The following RPA1 variants were observed in gnomAD, a reference collection of about 807,000 sequenced individuals.
RPA1 encodes replication protein A 70 kDa DNA-binding subunit.
In RPA1, 49 loss-of-function variants were observed where a neutral mutation model predicts 83.0. The observed-to-expected ratio is 0.59, with a 90% CI of 0.47 to 0.75. The LOEUF (loss-of-function observed/expected upper bound fraction) is 0.75. Among genes scored for constraint, RPA1 ranks in the 30% least tolerant of loss-of-function variants. The pLI is 0.00. For synonymous variants in RPA1, 279 were observed against 281.8 expected (o/e 0.99, Z 0.10); for missense variants, 693 against 776.1 (o/e 0.89, Z 1.27).
intron 12 of RPA1, among the ~76,000 whole-genome samples, chr17:1,882,439 G>A (rs1232627172): frequency 1.3e-5 from 2 of 151,776 alleles, no homozygotes; most frequent in Non-Finnish European, 2.9e-5. Context: ...ACAATTGCTT[G>A]AGGCCAGGAG....
chr17:1,883,982 A>T, intron 13 of RPA1, 38 bp downstream of exon 13: 1 of 1,611,874 alleles, frequency 6.2e-7, no homozygotes, highest in Non-Finnish European at 8.5e-7. Flanking sequence ...AAAGGGCTGT[A>T]AAGTGTGCAG....
At chr17:1,866,839 C>G (rs868271427) in intron 5 of RPA1, among the ~76,000 whole-genome samples, 1 of 152,162 alleles carries the variant, frequency 6.6e-6, no homozygotes, top group Admixed American at 6.6e-5. Flanking sequence ...TATGGTGTTT[C>G]GGGCTTCATT....
intron 13 of RPA1, among the ~76,000 whole-genome samples, chr17:1,886,521 C>T (rs1352544739): frequency 2.6e-5 from 4 of 152,170 alleles, no homozygotes; most frequent in Admixed American, 6.5e-5. Context: ...ATTCTGTCTA[C>T]GTTGAAAATC....
At chr17:1,874,026 T>TACACACACAC (rs1287669764) in intron 6 of RPA1, among the ~76,000 whole-genome samples, 2 of 110,160 alleles carry the variant, frequency 1.8e-5, no homozygotes, top group African/African-American at 4.2e-5. Flanking sequence ...TATATATATA[T>TACACACACAC]ATATATACAC....
At chr17:1,895,878 T>G (rs551272085) in intron 16 of RPA1, among the ~76,000 whole-genome samples, 1 of 152,028 alleles carries the variant, frequency 6.6e-6, no homozygotes, top group South Asian at 2.1e-4. Context: ...AGACGGAGTT[T>G]TCACCATGTT....
At chr17:1,847,892 T>C (rs1597425700) in intron 4 of RPA1, among the ~76,000 whole-genome samples, 1 of 151,658 alleles carries the variant, frequency 6.6e-6, no homozygotes, top group African/African-American at 2.4e-5. Context: ...TGGTGGCGGG[T>C]GCGGCCTGTA....
chr17:1,883,481 G>T (rs1405337080), intron 12 of RPA1, among the ~76,000 whole-genome samples: 1 of 152,016 alleles, frequency 6.6e-6, no homozygotes, highest in Non-Finnish European at 1.5e-5. Flanking sequence ...TTTTTTAATG[G>T]GCCTGGGCAT....
chr17:1,883,397 G>A (rs917194138), intron 12 of RPA1, among the ~76,000 whole-genome samples: 6 of 151,952 alleles, frequency 3.9e-5, no homozygotes, highest in African/African-American at 9.7e-5. Context: ...TCTTGACCTC[G>A]TGATCCGCCC....
At chr17:1,870,832 A>T (rs564165082) in intron 5 of RPA1, among the ~76,000 whole-genome samples, 3 of 152,340 alleles carry the variant, frequency 2.0e-5, no homozygotes, top group African/African-American at 4.8e-5. Flanking sequence ...GGTTTTGGAG[A>T]TGATAGAAGA....
chr17:1,879,002 C>T lies in RPA1; in HGVS notation c.700C>T (p.Arg234Ter), dbSNP rs779729281. 9 of 1,614,174 alleles carry T rather than the reference C, an allele frequency of 5.6e-6. No homozygotes were observed. Among genetic ancestry groups the T allele is most frequent in the Non-Finnish European group, 7.6e-6 (9 of 1,180,026 alleles). Residue 234 changes from arginine (R) to a stop codon, truncating the protein, a stop_gained, in exon 9 of 17, where the codon CGA becomes TGA. Transcript: ENST00000254719. LOFTEE classifies it high-confidence loss of function. Reference protein sequence around the residue: ...LELVDESGEIRATAFNEQVDK... With the variant: ...LELVDESGEI ...CCACGTGCTTCTGCAGGGTGAAATC[C>T]GAGCTACAGCTTTCAATGAGCAAGT...
intron 6 of RPA1, among the ~76,000 whole-genome samples, chr17:1,874,032 T>TATATATACACACACACACAC (rs1171343408): frequency 6.3e-5 from 5 of 79,252 alleles, no homozygotes; most frequent in African/African-American, 3.1e-4. Flanking sequence ...TATATATATA[T>TATATATACACACACACACAC]ACACACACAC....
At chr17:1,832,493 TCTC>T (rs1911657142) in intron 1 of RPA1, among the ~76,000 whole-genome samples, 1 of 152,038 alleles carries the variant, frequency 6.6e-6, no homozygotes, top group Non-Finnish European at 1.5e-5. Flanking sequence ...TTCAAGCAAT[TCTC>T]CTCCCTCAGC....
intron 16 of RPA1, among the ~76,000 whole-genome samples, chr17:1,896,174 T>C (rs751215045): frequency 6.6e-6 from 1 of 152,224 alleles, no homozygotes; most frequent in African/African-American, 2.4e-5. Flanking sequence ...GCCTAAGTTG[T>C]ATGCTAGCAA....
At chr17:1,833,853 GA>G (rs1025354598) in intron 1 of RPA1, among the ~76,000 whole-genome samples, 1 of 149,186 alleles carries the variant, frequency 6.7e-6, no homozygotes, top group South Asian at 2.1e-4. Context: ...CATCTCAAAA[GA>G]AAAAAAGAAA....
chr17:1,886,978 CCT>C (rs1272004994), intron 13 of RPA1, among the ~76,000 whole-genome samples: 2 of 152,094 alleles, frequency 1.3e-5, no homozygotes, highest in East Asian at 3.9e-4. Flanking sequence ...AGCTTCCTGA[CCT>C]CTCTCAGCCT....
At chr17:1,868,259 T>C (rs547753613) in intron 5 of RPA1, among the ~76,000 whole-genome samples, 1 of 152,340 alleles carries the variant, frequency 6.6e-6, no homozygotes, top group East Asian at 1.9e-4. Flanking sequence ...AGTGAGCCAG[T>C]GCGGAAATAG....
At chr17:1,832,182 C>T (rs929531125) in intron 1 of RPA1, among the ~76,000 whole-genome samples, 2 of 151,816 alleles carry the variant, frequency 1.3e-5, no homozygotes, top group African/African-American at 4.8e-5. Flanking sequence ...CCACCCTCCT[C>T]GGCCTCCCAA....
rs1454689747 is a variant in RPA1 at position 1,855,076 on chromosome 17, T to C, written c.361+1887T>C. ...GGTGAGGGCTTTCATCAGAAATGGA[T>C]GGTGAGTTTTGTCAAATGCATTTTC... On this transcript the variant is annotated intron_variant, in intron 5 of 16. Coordinates refer to ENST00000254719, the MANE Select transcript of RPA1 (RefSeq NM_002945.5). 2.6e-5 allele frequency among the ~76,000 whole-genome samples: 4 copies of C among 152,162 alleles called. No homozygotes were observed. The South Asian group carries it at 6.2e-4, about 24-fold the overall frequency.
In RPA1 at chr17:1,880,706, G is replaced by T. The variant is rs1297121107; in HGVS notation, c.1241+15G>T. 3 of 1,611,934 alleles carry T rather than the reference G, an allele frequency of 1.9e-6. No individual in the cohort carries two copies. The highest frequency in any genetic ancestry group is 2.5e-6 in the Non-Finnish European group (3 of 1,179,540). ...CTTCGTGGATGGTAGGTTTTGTGGG[G>T]CTAAACAAAGGGTTACTTGAGGCTG... is the stretch of plus-strand genomic sequence containing the variant. On this transcript the variant is annotated intron_variant, in intron 12 of 16. Coordinates refer to ENST00000254719, the MANE Select transcript of RPA1 (RefSeq NM_002945.5).
Sources: gnomAD v4.1 joint callset for allele counts (sites outside exome capture counted in the v4.1 genomes callset) on GRCh38, gnomAD v4.1.1 for gene constraint, MANE v1.5 for transcripts, NCBI Gene and HGNC (gene_info 2026-07-23, HGNC 2026-07-21) for gene names.